The following NFIB variants were observed in gnomAD, a reference collection of about 807,000 sequenced individuals.
NFIB encodes nuclear factor 1 B-type.
A neutral mutation model predicts 61.5 loss-of-function variants in NFIB; 11 were observed. That is an observed-to-expected ratio of 0.18 (90% CI 0.11 to 0.30). The LOEUF (loss-of-function observed/expected upper bound fraction) is 0.30, where lower values mean the gene tolerates loss of function less well. NFIB is among the 10% of genes least tolerant of loss of function. NFIB has a pLI of 1.00. For synonymous variants in NFIB, 260 were observed against 216.5 expected (o/e 1.20, Z -1.76); for missense variants, 471 against 608.9 (o/e 0.77, Z 2.38).
chr9:14,153,240 TTC>T (rs1461383903), intron 4 of NFIB, among the ~76,000 whole-genome samples: 5 of 152,128 alleles, frequency 3.3e-5, no homozygotes, highest in African/African-American at 1.2e-4. Flanking sequence ...TTAGTATGCA[TTC>T]TGACACTAAA....
At chr9:14,135,617 G>T (rs779149879) in intron 6 of NFIB, among the ~76,000 whole-genome samples, 19 of 152,146 alleles carry the variant, frequency 1.2e-4, no homozygotes, top group Non-Finnish European at 1.9e-4. Flanking sequence ...GTAGTTTGAT[G>T]ATGATGCCAG....
intron 3 of NFIB, among the ~76,000 whole-genome samples, chr9:14,156,301 A>G (rs2043396904): frequency 6.6e-6 from 1 of 152,166 alleles, no homozygotes; most frequent in Admixed American, 6.5e-5. Context: ...AATGTCAAAG[A>G]TCTCTTAAAG....
At chr9:14,214,290 G>A (rs1053212413) in intron 2 of NFIB, among the ~76,000 whole-genome samples, 1 of 152,212 alleles carries the variant, frequency 6.6e-6, no homozygotes, top group African/African-American at 2.4e-5. Flanking sequence ...CAGGGCCAGT[G>A]TCAGGAGCAT....
At chr9:14,508,087 A>G in the NFIB span, among the ~76,000 whole-genome samples, 1 of 150,988 alleles carries the variant, frequency 6.6e-6, no homozygotes, top group African/African-American at 2.4e-5. Context: ...CATATATAAT[A>G]TTAATATATA....
the NFIB span, among the ~76,000 whole-genome samples, chr9:14,476,388 C>T: frequency 1.7e-4 from 26 of 152,162 alleles, no homozygotes; most frequent in East Asian, 3.9e-3. Context: ...CCAACTGAAG[C>T]ATCTTGACTC....
intron 2 of NFIB, among the ~76,000 whole-genome samples, chr9:14,224,068 AAT>A: frequency 6.6e-6 from 1 of 152,274 alleles, no homozygotes; most frequent in Middle Eastern, 3.4e-3. Flanking sequence ...CAAACAGTAA[AAT>A]GTCCCTCGTC....
intron 2 of NFIB, 67 bp downstream of exon 2, chr9:14,306,922 A>G: frequency 1.1e-5 from 18 of 1,573,552 alleles, no homozygotes; most frequent in Non-Finnish European, 1.6e-5. Flanking sequence ...CTCAAGCCAG[A>G]TACTCTGTCT....
chr9:14,208,223 A>G (rs554198702), intron 2 of NFIB, among the ~76,000 whole-genome samples: 76 of 152,296 alleles, frequency 5.0e-4, no homozygotes, highest in Middle Eastern at 6.8e-3. Context: ...TATACAACAA[A>G]GCAATACGTG....
intron 6 of NFIB, among the ~76,000 whole-genome samples, chr9:14,144,459 C>T (rs1017874871): frequency 3.3e-5 from 5 of 152,086 alleles, no homozygotes; most frequent in African/African-American, 9.7e-5. Flanking sequence ...TTTTGTTTTT[C>T]GTTTCACTTC....
At chr9:14,452,164 G>T in the NFIB span, among the ~76,000 whole-genome samples, 1 of 152,090 alleles carries the variant, frequency 6.6e-6, no homozygotes, top group Non-Finnish European at 1.5e-5. Flanking sequence ...TTTCTAATGA[G>T]TAATAAAGGA....
chr9:14,166,610 T>C (rs903947739), intron 3 of NFIB, among the ~76,000 whole-genome samples: 2 of 152,224 alleles, frequency 1.3e-5, no homozygotes, highest in African/African-American at 4.8e-5. Context: ...AGATAATTTT[T>C]AGCTCATCAA....
At chr9:14,442,183 T>C in the NFIB span, among the ~76,000 whole-genome samples, 21,368 of 151,806 alleles carry the variant, frequency 0.14, 2,053 homozygotes, top group African/African-American at 0.28. Flanking sequence ...CACCACCCTC[T>C]CCTAATCACC....
chr9:14,434,826 C>G, the NFIB span, among the ~76,000 whole-genome samples: 1 of 152,168 alleles, frequency 6.6e-6, no homozygotes, highest in Non-Finnish European at 1.5e-5. Context: ...ACAGGAATAC[C>G]TAATCAATGG....
In NFIB at chr9:14,274,251, TACACACACACACACAC is replaced by T. The variant is rs71321975; in HGVS notation, c.562+32722_562+32737del. ...TTCTCTCTCTAGCATTCTTCCTCCCTACACACACACACACACACACACACACACACACACACACACG... is the reference window on the plus strand; with the variant it reads ...TTCTCTCTCTAGCATTCTTCCTCCCTACACACACACACACACACACACACG... On this transcript the variant is annotated intron_variant, in intron 2 of 10. Coordinates refer to ENST00000380953, the MANE Select transcript of NFIB (RefSeq NM_001190737.2). 8.1e-5 allele frequency among the ~76,000 whole-genome samples: 10 copies of T among 124,018 alleles called. No homozygotes were observed. The East Asian group carries it at 1.0e-3, about 13-fold the overall frequency. The allele number at this position is 124,018 out of a possible 152,430, so 81.4% of individuals were successfully genotyped here.
At chr9:14,412,133 A>C in the NFIB span, among the ~76,000 whole-genome samples, 1 of 152,204 alleles carries the variant, frequency 6.6e-6, no homozygotes, top group Non-Finnish European at 1.5e-5. Flanking sequence ...AATCTGTATG[A>C]GACAAGAGAT....
upstream of NFIB, among the ~76,000 whole-genome samples, chr9:14,315,653 C>G (rs2060512645): frequency 6.7e-6 from 1 of 149,216 alleles, no homozygotes; most frequent in African/African-American, 2.4e-5. Context: ...CGCCCCCACC[C>G]CGTCGCCCGT....
chr9:14,224,776 C>T (rs940096320), intron 2 of NFIB, among the ~76,000 whole-genome samples: 2 of 152,176 alleles, frequency 1.3e-5, no homozygotes, highest in Non-Finnish European at 2.9e-5. Context: ...CCAATTCCCC[C>T]AAAATACCAT....
At chr9:14,123,291 T>A (rs1586844215) in intron 7 of NFIB, among the ~76,000 whole-genome samples, 1 of 151,426 alleles carries the variant, frequency 6.6e-6, no homozygotes, top group Non-Finnish European at 1.5e-5. Context: ...ATAAGAAAAG[T>A]AAAATACAAG....
At chr9:14,124,344 A>G (rs2039363530) in intron 7 of NFIB, among the ~76,000 whole-genome samples, 1 of 152,166 alleles carries the variant, frequency 6.6e-6, no homozygotes, top group Non-Finnish European at 1.5e-5. Context: ...ACCTATCTCA[A>G]TGGTATAGGT....
Sources: allele counts gnomAD v4.1 joint callset (sites outside exome capture counted in the v4.1 genomes callset), GRCh38; gene constraint gnomAD v4.1.1; transcripts MANE v1.5; gene names NCBI Gene and HGNC (gene_info 2026-07-23, HGNC 2026-07-21).